WIPF1: variants seen among roughly 807,000 people sequenced by gnomAD.
The protein encoded by WIPF1 is WAS/WASL interacting protein family member 1, also known as WAS/WASL-interacting protein family member 1.
Under a neutral mutation model 35.4 loss-of-function variants are expected in WIPF1, and 13 were observed. The ratio of observed to expected loss-of-function variants is 0.37; its 90% CI spans 0.24 to 0.58. The LOEUF (loss-of-function observed/expected upper bound fraction) is 0.58. Ranked by LOEUF, WIPF1 falls within the 20% of genes least tolerant of loss-of-function variation. The pLI, the probability that WIPF1 is intolerant of heterozygous loss-of-function variation, is 0.74. For missense variants in WIPF1, 591 were observed against 667.0 expected (o/e 0.89, Z 1.25); for synonymous variants, 267 against 266.3 (o/e 1.00, Z -0.02).
At chr2:174,679,422 C>T (rs986807170) in intron 1 of WIPF1, among the ~76,000 whole-genome samples, 1 of 150,534 alleles carries the variant, frequency 6.6e-6, no homozygotes, top group African/African-American at 2.5e-5. Flanking sequence ...GAGCTGAGAT[C>T]ATGCCATTGC....
intron 1 of WIPF1, among the ~76,000 whole-genome samples, chr2:174,631,212 A>G (rs1687011164): frequency 6.6e-6 from 1 of 152,218 alleles, no homozygotes; most frequent in Non-Finnish European, 1.5e-5. Context: ...AAGTAGAAGC[A>G]GCCCAAATGT....
intron 1 of WIPF1, among the ~76,000 whole-genome samples, chr2:174,628,145 A>G (rs564447365): frequency 2.0e-5 from 3 of 152,258 alleles, no homozygotes; most frequent in Admixed American, 6.5e-5. Flanking sequence ...GCACCCCGGA[A>G]TCTACAAAAA....
chr2:174,615,434 G>A (rs1391781713), intron 1 of WIPF1, among the ~76,000 whole-genome samples: 1 of 151,622 alleles, frequency 6.6e-6, no homozygotes, highest in Non-Finnish European at 1.5e-5. Flanking sequence ...CCTTAGTGTA[G>A]GCATAAAAGT....
At chr2:174,625,630 T>C (rs1686807919) in intron 1 of WIPF1, 1 of 152,190 alleles carries the variant, frequency 6.6e-6, no homozygotes. Flanking sequence ...ATTTGATAAC[T>C]GTTTTCTTGT....
rs973744147 is a variant in WIPF1, at chr2:174,567,270, G to A, written c.1343-87C>T. On this transcript the variant is annotated intron_variant, in intron 6 of 7. Coordinates refer to ENST00000679041, the MANE Select transcript of WIPF1 (RefSeq NM_001375834.1). Reference sequence around the variant, plus strand: ...CGAAAGGCACAGAATGAAAGAGAGAGAGAACCACAGACATCAGTGCTAGTT... The same window carrying A: ...CGAAAGGCACAGAATGAAAGAGAGAAAGAACCACAGACATCAGTGCTAGTT... 8.2e-5 allele frequency: 83 copies of A among 1,012,812 alleles called. 2 individuals carry two copies. In the Admixed American group the frequency reaches 9.0e-4, roughly 11 times the overall value. 62.7% of individuals were successfully genotyped at this position (1,012,812 alleles called of 1,614,324 possible).
chr2:174,581,750 GA>G (rs1218439837), intron 2 of WIPF1, among the ~76,000 whole-genome samples: 3 of 152,286 alleles, frequency 2.0e-5, no homozygotes, highest in Non-Finnish European at 4.4e-5. Context: ...CTAGACACGA[GA>G]AAAGAATTTT....
At chr2:174,623,994 G>A (rs1686750486) in intron 1 of WIPF1, among the ~76,000 whole-genome samples, 1 of 152,014 alleles carries the variant, frequency 6.6e-6, no homozygotes, top group South Asian at 2.1e-4. Context: ...ACCATCTGTG[G>A]GCATTTACTG....
Position 174,562,446 on chromosome 2 carries a change from C to T in WIPF1, c.*101G>A. 5.7e-6 allele frequency: 9 copies of T among 1,588,928 alleles called. No individual in the cohort carries two copies. Among genetic ancestry groups the T allele is most frequent in the Non-Finnish European group, 7.7e-6 (9 of 1,166,628 alleles). ...TCCCCCTCCCACCTTTCCTCCTGCC[C>T]ATACATGAGGCACAAGGGAAGAAGC... is the stretch of plus-strand genomic sequence containing the variant. On this transcript the variant is annotated 3_prime_UTR_variant, in exon 8 of 8. Transcript: ENST00000679041.
In WIPF1 at chr2:174,567,317, A is replaced by G. The variant is rs1421098140; in HGVS notation, c.1343-134T>C. 5 of 808,602 alleles carry G rather than the reference A, an allele frequency of 6.2e-6. No individual in the cohort carries two copies. In the African/African-American group the frequency reaches 8.6e-5, roughly 14 times the overall value. 50.1% of individuals were successfully genotyped at this position (808,602 alleles called of 1,614,324 possible). Reference sequence around the variant, plus strand: ...AGTTTTTATGCCTAGAAGTTTACAGAAAAGCTGGAAGTGCTACAAAGGTCA... The same window carrying G: ...AGTTTTTATGCCTAGAAGTTTACAGGAAAGCTGGAAGTGCTACAAAGGTCA... On this transcript the variant is annotated intron_variant, in intron 6 of 7. Coordinates refer to ENST00000679041, the MANE Select transcript of WIPF1 (RefSeq NM_001375834.1).
At chr2:174,613,742 G>A (rs1686424355) in intron 1 of WIPF1, among the ~76,000 whole-genome samples, 1 of 152,096 alleles carries the variant, frequency 6.6e-6, no homozygotes. Flanking sequence ...TGATAAGTAA[G>A]AAGGCAAACA....
chr2:174,651,696 A>G (rs1190805237), intron 1 of WIPF1, among the ~76,000 whole-genome samples: 2 of 152,214 alleles, frequency 1.3e-5, no homozygotes, highest in African/African-American at 4.8e-5. Flanking sequence ...AAGCCAGACA[A>G]CTTTATTGGA....
At chr2:174,576,479 CA>C (rs768026764) in intron 3 of WIPF1, among the ~76,000 whole-genome samples, 20 of 152,124 alleles carry the variant, frequency 1.3e-4, no homozygotes, top group Non-Finnish European at 2.6e-4. Flanking sequence ...TTTAACTACT[CA>C]TTTGATGGCC....
intron 2 of WIPF1, 31 bp from the exon 3 acceptor site, chr2:174,581,470 T>A (rs1423040843): frequency 6.2e-7 from 1 of 1,608,642 alleles, no homozygotes; most frequent in Non-Finnish European, 8.5e-7. Flanking sequence ...CAAGTAGTCA[T>A]CTCTTGGGTT....
intron 1 of WIPF1, among the ~76,000 whole-genome samples, chr2:174,645,097 G>A (rs1319888299): frequency 6.6e-6 from 1 of 152,166 alleles, no homozygotes; most frequent in Non-Finnish European, 1.5e-5. Flanking sequence ...TTACTGAAAT[G>A]AAACCTTGGT....
intron 1 of WIPF1, among the ~76,000 whole-genome samples, chr2:174,610,257 GAA>G (rs1212780557): frequency 6.6e-6 from 1 of 152,178 alleles, no homozygotes; most frequent in East Asian, 1.9e-4. Flanking sequence ...TGTGTGATCA[GAA>G]AGTGACCAGT....
intron 1 of WIPF1, among the ~76,000 whole-genome samples, chr2:174,595,217 G>C (rs1180164095): frequency 7.1e-6 from 1 of 140,616 alleles, no homozygotes; most frequent in East Asian, 2.0e-4. Flanking sequence ...CTTGAGTCCA[G>C]GAGTTTGAGG....
chr2:174,566,416 A>C (rs541301709), intron 7 of WIPF1: 1 of 152,348 alleles, frequency 6.6e-6, no homozygotes, highest in Admixed American at 6.5e-5. Context: ...AATAATTTAA[A>C]TGTCCATGGT....
At chr2:174,643,975 AGATT>A (rs1384274637) in intron 1 of WIPF1, among the ~76,000 whole-genome samples, 18 of 152,212 alleles carry the variant, frequency 1.2e-4, no homozygotes, top group African/African-American at 3.6e-4. Flanking sequence ...GTATATAGCT[AGATT>A]ATCTTTTTAA....
At chr2:174,600,376 A>G (rs1685964553), upstream of WIPF1, among the ~76,000 whole-genome samples, 1 of 152,102 alleles carries the variant, frequency 6.6e-6, no homozygotes, top group African/African-American at 2.4e-5. Context: ...CCCTCCAATG[A>G]CTTCTCATTT....
Sources: gnomAD v4.1 joint callset for allele counts (sites outside exome capture counted in the v4.1 genomes callset) on GRCh38, gnomAD v4.1.1 for gene constraint, MANE v1.5 for transcripts, NCBI Gene and HGNC (gene_info 2026-07-23, HGNC 2026-07-21) for gene names.